The following HIGD1A variants were observed in gnomAD, a reference collection of about 807,000 sequenced individuals.
The protein encoded by HIGD1A is HIG1 domain family member 1A, mitochondrial.
In HIGD1A, 8 loss-of-function variants were observed where a neutral mutation model predicts 11.3. That is an observed-to-expected ratio of 0.71 (90% confidence interval 0.42 to 1.28). The LOEUF (loss-of-function observed/expected upper bound fraction) is 1.28. Among genes scored for constraint, HIGD1A ranks in the 50% most tolerant of loss-of-function variants. The pLI, the probability that HIGD1A is intolerant of heterozygous loss-of-function variation, is 0.01. For synonymous variants in HIGD1A, 32 were observed against 38.4 expected, an observed-to-expected ratio of 0.83 and a Z score of 0.62; for missense variants, 107 against 118.8, an observed-to-expected ratio of 0.90 and a Z score of 0.46.
intron 3 of HIGD1A, 148 bp from the exon 4 acceptor site, chr3:42,785,468 G>A (rs1700338458): frequency 3.3e-6 from 2 of 609,774 alleles, no homozygotes; most frequent in African/African-American, 1.9e-5. Flanking sequence ...TTATACTCTT[G>A]CCTTCTTAAA....
At chr3:42,802,433 A>C (rs1205629440) in intron 1 of HIGD1A, among the ~76,000 whole-genome samples, 2 of 152,220 alleles carry the variant, frequency 1.3e-5, no homozygotes, top group South Asian at 2.1e-4. Context: ...TCAGAATAAA[A>C]TTAGTAAGGA....
chr3:42,786,825 G>C (rs558996731), intron 2 of HIGD1A, among the ~76,000 whole-genome samples: 1 of 151,968 alleles, frequency 6.6e-6, no homozygotes, highest in African/African-American at 2.4e-5. Flanking sequence ...GCCCAGGCTG[G>C]AGTGCAGCCG....
Position 42,794,290 on chromosome 3 carries a change from CTA to C in HIGD1A, c.-22-17_-22-16del. Reference sequence around the variant, plus strand: ...GAAGAATCTCCCTGAGAAAGAATTTCTATGAGGTTCTGTAATTAAAAGCATCT... The same window carrying C: ...GAAGAATCTCCCTGAGAAAGAATTTCTGAGGTTCTGTAATTAAAAGCATCT... On this transcript the variant is annotated splice_polypyrimidine_tract_variant and intron_variant, in intron 1 of 3. Coordinates refer to ENST00000321331, the MANE Select transcript of HIGD1A (RefSeq NM_014056.4). 1 of 1,552,606 alleles carries C rather than the reference CTA, an allele frequency of 6.4e-7. No homozygotes were observed. The highest frequency in any genetic ancestry group is 1.4e-5 in the African/African-American group (1 of 71,172).
At chr3:42,790,803 TTC>T (rs1158212756) in intron 2 of HIGD1A, among the ~76,000 whole-genome samples, 2 of 152,166 alleles carry the variant, frequency 1.3e-5, no homozygotes, top group Admixed American at 1.3e-4. Context: ...TCTTTTTCTT[TTC>T]TCTCTTTTTT....
chr3:42,802,794 C>T (rs60959614), intron 1 of HIGD1A, among the ~76,000 whole-genome samples: 4,753 of 152,278 alleles, frequency 0.031, 251 homozygotes, highest in African/African-American at 0.11. Flanking sequence ...GAATCCAGCT[C>T]TTCTGATAGA....
chr3:42,802,720 G>C (rs1700582105), intron 1 of HIGD1A, among the ~76,000 whole-genome samples: 1 of 152,204 alleles, frequency 6.6e-6, no homozygotes, highest in Admixed American at 6.5e-5. Context: ...GGTGGGGAAA[G>C]GGTTGTGAGA....
At chr3:42,796,475 CA>C (rs1700501635) in intron 1 of HIGD1A, among the ~76,000 whole-genome samples, 1 of 150,922 alleles carries the variant, frequency 6.6e-6, no homozygotes. Context: ...ATGTAACCGC[CA>C]AACAGGTTCA....
chr3:42,800,050 G>A (rs1459566334), intron 1 of HIGD1A, among the ~76,000 whole-genome samples: 1 of 152,158 alleles, frequency 6.6e-6, no homozygotes, highest in African/African-American at 2.4e-5. Context: ...TTCTCGGGCA[G>A]GTGCGGTGGC....
chr3:42,804,229 C>G (rs11708839), intron 1 of HIGD1A: 1 of 1,607,816 alleles, frequency 6.2e-7, no homozygotes, highest in Non-Finnish European at 8.5e-7. Context: ...CCGAAGGACC[C>G]TAGGCCTCGG....
At chr3:42,791,648 C>T (rs1031547289) in intron 2 of HIGD1A, among the ~76,000 whole-genome samples, 1 of 152,180 alleles carries the variant, frequency 6.6e-6, no homozygotes, top group African/African-American at 2.4e-5. Flanking sequence ...ATGGGAACAA[C>T]TCCTATGTCG....
chr3:42,793,283 C>T (rs571151082), intron 2 of HIGD1A, among the ~76,000 whole-genome samples: 2 of 151,940 alleles, frequency 1.3e-5, no homozygotes, highest in East Asian at 1.9e-4. Context: ...TTTTAATATG[C>T]CTGCGAGTCC....
At chr3:42,800,352 A>G (rs1459707868) in intron 1 of HIGD1A, among the ~76,000 whole-genome samples, 4 of 151,884 alleles carry the variant, frequency 2.6e-5, no homozygotes, top group African/African-American at 9.7e-5. Context: ...AAAGAAAAAG[A>G]AAAAGAAAAA....
At chr3:42,799,357 T>C (rs527825187) in intron 1 of HIGD1A, among the ~76,000 whole-genome samples, 67 of 151,188 alleles carry the variant, frequency 4.4e-4, no homozygotes, top group Non-Finnish European at 7.5e-4. Context: ...TCCTAAACCA[T>C]AATTTCTAAT....
chr3:42,796,898 CTCTCCCTCTCCGTCTCCCTCTCCG>C (rs1161962850), intron 1 of HIGD1A, among the ~76,000 whole-genome samples: 432 of 840 alleles, frequency 0.51, 155 homozygotes, highest in Non-Finnish European at 1. Context: ...CTCCCTCTCC[CTCTCCCTCTCCGTCTCCCTCTCCG>C]TCTCCCTCTC....
chr3:42,787,461 A>T (rs1700364845), intron 2 of HIGD1A, among the ~76,000 whole-genome samples: 1 of 151,694 alleles, frequency 6.6e-6, no homozygotes, highest in Non-Finnish European at 1.5e-5. Context: ...GCATGGTGGC[A>T]TGCGCCTGTA....
intron 1 of HIGD1A, among the ~76,000 whole-genome samples, chr3:42,801,957 A>G (rs1490957344): frequency 5.3e-5 from 8 of 152,150 alleles, no homozygotes; most frequent in Admixed American, 2.0e-4. Flanking sequence ...TTGAGCCTGG[A>G]AAGTGGAGGT....
intron 2 of HIGD1A, among the ~76,000 whole-genome samples, chr3:42,792,292 T>C (rs556920031): frequency 2.0e-5 from 3 of 152,300 alleles, no homozygotes; most frequent in Admixed American, 1.3e-4. Flanking sequence ...TAATGAAAAA[T>C]TAGAAATCAC....
At chr3:42,789,646 AAT>A (rs1239333871) in intron 2 of HIGD1A, among the ~76,000 whole-genome samples, 1 of 152,012 alleles carries the variant, frequency 6.6e-6, no homozygotes, top group Non-Finnish European at 1.5e-5. Context: ...AGTAAATTAG[AAT>A]ATAGTTCAGA....
At chr3:42,790,431 G>A (rs1700409667) in intron 2 of HIGD1A, among the ~76,000 whole-genome samples, 1 of 152,314 alleles carries the variant, frequency 6.6e-6, no homozygotes, top group South Asian at 2.1e-4. Flanking sequence ...TACTCGGGAG[G>A]CTGAGGCACA....
Sources: gnomAD v4.1 joint callset for allele counts (sites outside exome capture counted in the v4.1 genomes callset) on GRCh38, gnomAD v4.1.1 for gene constraint, MANE v1.5 for transcripts, NCBI Gene and HGNC (gene_info 2026-07-23, HGNC 2026-07-21) for gene names.